The following SMOC2 variants were observed in gnomAD, a reference collection of about 807,000 sequenced individuals.
The protein encoded by SMOC2 is SPARC related modular calcium binding 2.
In SMOC2, 39 loss-of-function variants were observed where a neutral mutation model predicts 61.4. That is an observed-to-expected ratio of 0.64 (90% CI 0.49 to 0.83). The LOEUF is 0.83. Ranked by LOEUF, SMOC2 falls within the 40% of genes least tolerant of loss-of-function variation. SMOC2 has a pLI of 0.00. For missense variants in SMOC2, 556 were observed against 592.9 expected (o/e 0.94, Z 0.65); for synonymous variants, 247 against 239.9 (o/e 1.03, Z -0.27).
intron 8 of SMOC2, among the ~76,000 whole-genome samples, chr6:168,601,728 C>T (rs1785559041): frequency 6.6e-6 from 1 of 152,154 alleles, no homozygotes; most frequent in Non-Finnish European, 1.5e-5. Flanking sequence ...ACCCAGAGCT[C>T]CTCAAACTGG....
At position 168,528,286 on chromosome 6, in the gene SMOC2, A is replaced by G. The variant is rs1294703189; in HGVS notation, c.463+559A>G. On this transcript the variant is annotated intron_variant, in intron 4 of 12. Coordinates refer to ENST00000356284, the MANE Select transcript of SMOC2 (RefSeq NM_001166412.2). ...ATTAGTGTTTTTTTTTTTTTTGCCA[A>G]TAGTGCTGTAAATGATTTAGATCAT... is the stretch of plus-strand genomic sequence containing the variant. 6.4e-5 allele frequency among the ~76,000 whole-genome samples: 6 copies of G among 93,400 alleles called. No homozygotes were observed. In the East Asian group the frequency reaches 1.7e-3, roughly 26 times the overall value. The allele number at this position is 93,400 out of a possible 152,430, so 61.3% of individuals were successfully genotyped here. A position where few individuals can be genotyped will look rare whatever the true frequency, so the allele number is the denominator to read the frequency against.
intron 9 of SMOC2, among the ~76,000 whole-genome samples, chr6:168,647,444 G>C (rs1002026545): frequency 1.3e-5 from 2 of 152,162 alleles, no homozygotes; most frequent in Admixed American, 1.3e-4. Flanking sequence ...TATCAAGATG[G>C]GCCAGAGGAG....
intron 2 of SMOC2, among the ~76,000 whole-genome samples, chr6:168,518,550 C>T (rs916906694): frequency 1.1e-4 from 16 of 147,988 alleles, no homozygotes; most frequent in African/African-American, 3.8e-4. Context: ...CGTGTGTATG[C>T]TTGTGTGAGT....
chr6:168,659,955 TGG>T (rs201635935), intron 11 of SMOC2, among the ~76,000 whole-genome samples: 5 of 116,380 alleles, frequency 4.3e-5, no homozygotes, highest in Non-Finnish European at 2.0e-5. Context: ...GGTTGTAGGT[TGG>T]GTGAGGTTGT....
rs191559264 is a variant in SMOC2 at position 168,455,851 on chromosome 6, C to T, written c.84+14397C>T. ...AGAAAATTGCAAGTGGCAGAATCAACGTGGATTCAAAACCTCGTATCTCAA... is the reference window on the plus strand; with the variant it reads ...AGAAAATTGCAAGTGGCAGAATCAATGTGGATTCAAAACCTCGTATCTCAA... On this transcript the variant is annotated intron_variant, in intron 1 of 12. Transcript: ENST00000356284. Among the ~76,000 whole-genome samples the T allele has an allele frequency of 1.6e-3, 243 of 152,338 alleles. 2 individuals carry two copies. The highest frequency in any genetic ancestry group is 4.6e-3 in the Admixed American group (71 of 15,310).
chr6:168,585,336 C>T (rs1785023727), intron 7 of SMOC2, among the ~76,000 whole-genome samples: 3 of 152,174 alleles, frequency 2.0e-5, no homozygotes, highest in South Asian at 2.1e-4. Context: ...GTCTTTTTTT[C>T]GATCCAGTAA....
intron 8 of SMOC2, among the ~76,000 whole-genome samples, chr6:168,601,904 C>G (rs1051699605): frequency 2.6e-5 from 4 of 152,226 alleles, no homozygotes; most frequent in Admixed American, 2.0e-4. Context: ...AGAAAAGTCT[C>G]TGGCTCTCCT....
intron 9 of SMOC2, among the ~76,000 whole-genome samples, chr6:168,636,875 C>A (rs1481583197): frequency 8.9e-6 from 1 of 112,974 alleles, no homozygotes; most frequent in South Asian, 3.7e-4. Context: ...CCTCCCTCCT[C>A]CCGCCTCCCT....
At chr6:168,655,894 T>G (rs941384249) in intron 11 of SMOC2, among the ~76,000 whole-genome samples, 2 of 151,956 alleles carry the variant, frequency 1.3e-5, no homozygotes, top group African/African-American at 4.8e-5. Flanking sequence ...CATATGTGTG[T>G]GCTAGATCCC....
chr6:168,480,668 A>G (rs1212859475), intron 1 of SMOC2, among the ~76,000 whole-genome samples: 1 of 152,170 alleles, frequency 6.6e-6, no homozygotes, highest in Non-Finnish European at 1.5e-5. Context: ...TGGGAGTCCC[A>G]GAAGTAGAAG....
In SMOC2 at chr6:168,636,846, T is replaced by TCCCG. The variant is rs1399268647; in HGVS notation, c.908-13833_908-13832insCGCC. Among the ~76,000 whole-genome samples, 119 of 142,596 alleles carry TCCCG rather than the reference T, an allele frequency of 8.3e-4. 7 individuals carry two copies. The highest frequency in any genetic ancestry group is 7.4e-3 in the East Asian group (33 of 4,476). The allele number at this position is 142,596 out of a possible 152,430, so 93.5% of individuals were successfully genotyped here. A position where few individuals can be genotyped will look rare whatever the true frequency, so the allele number is the denominator to read the frequency against. On this transcript the variant is annotated intron_variant, in intron 9 of 12. Coordinates refer to ENST00000356284, the MANE Select transcript of SMOC2 (RefSeq NM_001166412.2). The stretch of plus-strand genomic sequence containing the variant: ...CCTGGCCATCAGTGGGGAATATGCC[T>TCCCG]CCTGCCTCCCTCCTCCCGCCTCCCT...
chr6:168,487,313 A>G (rs1051493124), intron 1 of SMOC2, among the ~76,000 whole-genome samples: 1 of 152,148 alleles, frequency 6.6e-6, no homozygotes, highest in Non-Finnish European at 1.5e-5. Flanking sequence ...TGGCTTATGA[A>G]TTAGTCAACT....
chr6:168,490,027 A>G (rs1782435024), intron 1 of SMOC2, among the ~76,000 whole-genome samples: 1 of 151,960 alleles, frequency 6.6e-6, no homozygotes, highest in Non-Finnish European at 1.5e-5. Flanking sequence ...ACTGTTTTAG[A>G]GGGAAATATG....
intron 2 of SMOC2, among the ~76,000 whole-genome samples, chr6:168,520,798 A>T (rs1444335813): frequency 6.6e-6 from 1 of 152,230 alleles, no homozygotes; most frequent in African/African-American, 2.4e-5. Flanking sequence ...TGTTTATGTT[A>T]TTCGATTCTG....
chr6:168,599,416 A>G (rs367789121), intron 8 of SMOC2, among the ~76,000 whole-genome samples: 1,417 of 87,316 alleles, frequency 0.016, 34 homozygotes, highest in African/African-American at 0.049. Context: ...ACACACATTC[A>G]TACCCCCCAC....
chr6:168,517,359 C>T (rs1388234797), intron 2 of SMOC2, among the ~76,000 whole-genome samples: 1 of 152,210 alleles, frequency 6.6e-6, no homozygotes, highest in Middle Eastern at 3.2e-3. Flanking sequence ...TCTCAAGCCG[C>T]CTCACGCCTG....
chr6:168,582,125 G>A (rs1046984189), intron 7 of SMOC2, among the ~76,000 whole-genome samples: 6 of 152,204 alleles, frequency 3.9e-5, no homozygotes, highest in Admixed American at 6.5e-5. Flanking sequence ...GGCACAGAGC[G>A]GGAGCTAAAC....
At chr6:168,628,082 C>G (rs1786460850) in intron 9 of SMOC2, among the ~76,000 whole-genome samples, 1 of 152,222 alleles carries the variant, frequency 6.6e-6, no homozygotes, top group African/African-American at 2.4e-5. Context: ...CCCCACAAGC[C>G]CTTGCCTTCC....
intron 8 of SMOC2, among the ~76,000 whole-genome samples, chr6:168,599,248 ACACACATACC>A (rs1785429515): frequency 7.3e-6 from 1 of 136,820 alleles, no homozygotes; most frequent in Admixed American, 7.5e-5. Context: ...ACACACACCC[ACACACATACC>A]CACACACACC....
Sources: gnomAD v4.1 joint callset for allele counts (sites outside exome capture counted in the v4.1 genomes callset) on GRCh38, gnomAD v4.1.1 for gene constraint, MANE v1.5 for transcripts, NCBI Gene and HGNC (gene_info 2026-07-23, HGNC 2026-07-21) for gene names.